Variants in ERBB4 observed in about 807,000 individuals in gnomAD.
ERBB4 encodes the protein erb-b2 receptor tyrosine kinase 4, also known as receptor tyrosine-protein kinase erbB-4.
A neutral mutation model predicts 158.0 loss-of-function variants in ERBB4; 42 were observed. The ratio of observed to expected loss-of-function variants is 0.27; its 90% CI spans 0.21 to 0.34. ERBB4 has a LOEUF of 0.34. Among genes scored for constraint, ERBB4 ranks in the 10% least tolerant of loss-of-function variants. The pLI is 1.00. For missense variants in ERBB4, 1,333 were observed against 1,624.1 expected (o/e 0.82, Z 3.08); for synonymous variants, 583 against 558.7 (o/e 1.04, Z -0.61).
At chr2:212,277,465 A>C (rs1327871754) in intron 1 of ERBB4, among the ~76,000 whole-genome samples, 1 of 151,734 alleles carries the variant, frequency 6.6e-6, no homozygotes, top group African/African-American at 2.4e-5. Flanking sequence ...TCCCTGGAGC[A>C]CTGTCTCATT....
intron 1 of ERBB4, among the ~76,000 whole-genome samples, chr2:212,226,886 T>C (rs965828108): frequency 6.6e-6 from 1 of 152,090 alleles, no homozygotes; most frequent in Non-Finnish European, 1.5e-5. Flanking sequence ...CTTTAAGCTA[T>C]TTGTGGATTT....
At chr2:212,477,604 T>C (rs183046008) in intron 1 of ERBB4, among the ~76,000 whole-genome samples, 3 of 152,176 alleles carry the variant, frequency 2.0e-5, no homozygotes. Context: ...TAAGAAAACA[T>C]GTTTTTAAAA....
At chr2:212,414,008 G>A (rs2091579039) in intron 1 of ERBB4, among the ~76,000 whole-genome samples, 1 of 152,178 alleles carries the variant, frequency 6.6e-6, no homozygotes, top group South Asian at 2.1e-4. Flanking sequence ...ACTTTCCAGA[G>A]TTATTGGGAT....
chr2:212,160,153 T>C (rs1234913943), intron 1 of ERBB4, among the ~76,000 whole-genome samples: 1 of 151,950 alleles, frequency 6.6e-6, no homozygotes, highest in East Asian at 1.9e-4. Context: ...ATATTTCTTA[T>C]GAACTTTGGG....
chr2:212,336,483 C>A (rs1372661256), intron 1 of ERBB4, among the ~76,000 whole-genome samples: 1 of 151,926 alleles, frequency 6.6e-6, no homozygotes, highest in Non-Finnish European at 1.5e-5. Flanking sequence ...CACTGTCAAC[C>A]AATACTGGTT....
At chr2:212,387,606 C>T (rs1207935317) in intron 1 of ERBB4, among the ~76,000 whole-genome samples, 2 of 151,860 alleles carry the variant, frequency 1.3e-5, no homozygotes, top group South Asian at 2.1e-4. Context: ...TTAGTAGAGA[C>T]GGGGTTTTGT....
At chr2:212,126,694 G>T (rs867358263) in intron 1 of ERBB4, among the ~76,000 whole-genome samples, 1 of 151,976 alleles carries the variant, frequency 6.6e-6, no homozygotes, top group East Asian at 1.9e-4. Context: ...ATACAAAGTG[G>T]AGACTGCAAA....
chr2:211,896,491 G>A (rs1477816794), intron 3 of ERBB4, among the ~76,000 whole-genome samples: 1 of 152,084 alleles, frequency 6.6e-6, no homozygotes, highest in Non-Finnish European at 1.5e-5. Flanking sequence ...GGTCCAAGAT[G>A]TCCTCCTCTC....
intron 1 of ERBB4, among the ~76,000 whole-genome samples, chr2:212,534,541 C>A (rs1334433254): frequency 6.6e-6 from 1 of 152,124 alleles, no homozygotes; most frequent in Non-Finnish European, 1.5e-5. Context: ...GGCCAACCAG[C>A]CATATCAGAT....
At chr2:211,610,542 C>T (rs1204937342) in intron 19 of ERBB4, among the ~76,000 whole-genome samples, 1 of 152,170 alleles carries the variant, frequency 6.6e-6, no homozygotes, top group African/African-American at 2.4e-5. Flanking sequence ...AACTGTTCCT[C>T]CTAGTGATAC....
chr2:212,076,588 T>C (rs2078281226), intron 2 of ERBB4, among the ~76,000 whole-genome samples: 1 of 151,858 alleles, frequency 6.6e-6, no homozygotes, highest in Admixed American at 6.6e-5. Flanking sequence ...AGTTGAAATA[T>C]ATAAGTTTTA....
chr2:212,018,328 A>G (rs547807288), intron 2 of ERBB4, among the ~76,000 whole-genome samples: 3 of 152,290 alleles, frequency 2.0e-5, no homozygotes, highest in South Asian at 2.1e-4. Flanking sequence ...TCCTGTTTCT[A>G]TTTTGGATAG....
intron 5 of ERBB4, among the ~76,000 whole-genome samples, chr2:211,730,845 G>C (rs2074404774): frequency 6.6e-6 from 1 of 152,022 alleles, no homozygotes; most frequent in South Asian, 2.1e-4. Flanking sequence ...CCAATATTCA[G>C]TCTAGAGTTG....
At chr2:211,918,527 T>C (rs1049648502) in intron 3 of ERBB4, among the ~76,000 whole-genome samples, 1 of 152,094 alleles carries the variant, frequency 6.6e-6, no homozygotes, top group Non-Finnish European at 1.5e-5. Flanking sequence ...CTGTACCCTG[T>C]AGATTTCGAG....
chr2:211,945,294 T>G (rs1302508650), intron 3 of ERBB4, among the ~76,000 whole-genome samples: 2 of 152,094 alleles, frequency 1.3e-5, no homozygotes, highest in African/African-American at 4.8e-5. Flanking sequence ...TTCTTACAAT[T>G]GGAGTAACAC....
chr2:212,065,745 G>T (rs758730456), intron 2 of ERBB4, among the ~76,000 whole-genome samples: 1 of 151,996 alleles, frequency 6.6e-6, no homozygotes, highest in Non-Finnish European at 1.5e-5. Flanking sequence ...GTGAGTGAAG[G>T]TATTCACTGC....
At chr2:211,718,353 G>A (rs1008039568) in intron 7 of ERBB4, among the ~76,000 whole-genome samples, 15 of 152,294 alleles carry the variant, frequency 9.8e-5, no homozygotes, top group South Asian at 2.1e-4. Flanking sequence ...CACACATTGA[G>A]TATCCCTTAT....
intron 3 of ERBB4, among the ~76,000 whole-genome samples, chr2:211,893,305 G>A (rs2079016054): frequency 6.9e-6 from 1 of 144,494 alleles, no homozygotes; most frequent in Non-Finnish European, 1.5e-5. Flanking sequence ...AACAAGCAAG[G>A]GGGAAAGGAT....
chr2:211,893,400 A>G (rs1212969561), intron 3 of ERBB4, among the ~76,000 whole-genome samples: 1 of 142,456 alleles, frequency 7.0e-6, no homozygotes, highest in East Asian at 1.9e-4. Context: ...ACTTTATACA[A>G]AAATCAATTC....
Sources: allele counts gnomAD v4.1 joint callset (sites outside exome capture counted in the v4.1 genomes callset), GRCh38; gene constraint gnomAD v4.1.1; transcripts MANE v1.5; gene names NCBI Gene and HGNC (gene_info 2026-07-23, HGNC 2026-07-21).